The following ADHFE1 variants were observed in gnomAD, a reference collection of about 807,000 sequenced individuals.
ADHFE1 encodes the protein hydroxyacid-oxoacid transhydrogenase, mitochondrial.
Under a neutral mutation model 54.8 loss-of-function variants are expected in ADHFE1, and 37 were observed. The ratio of observed to expected loss-of-function variants is 0.68; its 90% confidence interval spans 0.52 to 0.89. The LOEUF (loss-of-function observed/expected upper bound fraction) is 0.89, where lower values mean the gene tolerates loss of function less well. Ranked by LOEUF, ADHFE1 falls within the 40% of genes least tolerant of loss-of-function variation. ADHFE1 has a pLI of 0.00. For missense variants in ADHFE1, 601 were observed against 591.2 expected, an observed-to-expected ratio of 1.02 and a Z score of -0.17; for synonymous variants, 203 against 229.3, an observed-to-expected ratio of 0.89 and a Z score of 1.04.
intron 2 of ADHFE1, 45 bp downstream of exon 2, chr8:66,440,244 C>T (rs772826365): frequency 6.4e-7 from 1 of 1,565,140 alleles, no homozygotes; most frequent in South Asian, 1.1e-5. Flanking sequence ...TTGGTTTCTG[C>T]ATTTGGCATT....
At chr8:66,432,717 C>T in intron 1 of ADHFE1, 142 bp downstream of exon 1, 2 of 1,232,656 alleles carry the variant, frequency 1.6e-6, no homozygotes, top group East Asian at 3.2e-5. Flanking sequence ...GGGCTCCCAC[C>T]GCGCGCCAGG....
At chr8:66,461,951 A>G (rs1309818831) in intron 13 of ADHFE1, among the ~76,000 whole-genome samples, 2 of 151,860 alleles carry the variant, frequency 1.3e-5, no homozygotes, top group East Asian at 3.9e-4. Flanking sequence ...CATACGTCCA[A>G]GGGACCAAAT....
At position 66,448,728 on chromosome 8, in the gene ADHFE1, T is replaced by C. The variant is rs914262136; in HGVS notation, c.629-137T>C. The C allele has an allele frequency of 2.0e-5, 16 of 806,650 alleles. No homozygotes were observed. The African/African-American group carries it at 2.4e-4, about 12-fold the overall frequency. 50.0% of individuals were successfully genotyped at this position (806,650 alleles called of 1,614,324 possible). ...CTGACTCTAAATCACTTTCCATTGC[T>C]CCTTACTGCCTCACTACATGAAAAT... On this transcript the variant is annotated intron_variant, in intron 7 of 13. Transcript: ENST00000396623.
In ADHFE1 at chr8:66,458,156, T is replaced by C. The variant is rs115362031; in HGVS notation, c.1162+990T>C. 5.8e-3 allele frequency among the ~76,000 whole-genome samples: 882 copies of C among 152,362 alleles called. 5 individuals carry two copies. Among genetic ancestry groups the C allele is most frequent in the African/African-American group, 0.021 (856 of 41,586 alleles). On this transcript the variant is annotated intron_variant, in intron 12 of 13. Transcript: ENST00000396623. Reference sequence around the variant, plus strand: ...AATACAAGAACTCTTTTAAGTAGACTTGAATATTTTATTAACTTGCAAAAC... The same window carrying C: ...AATACAAGAACTCTTTTAAGTAGACCTGAATATTTTATTAACTTGCAAAAC...
At chr8:66,440,128 A>G in intron 1 of ADHFE1, 34 bp from the exon 2 acceptor site, 1 of 1,604,236 alleles carries the variant, frequency 6.2e-7, no homozygotes, top group Non-Finnish European at 8.5e-7. Flanking sequence ...TTTTCACCTT[A>G]GGTTTTTTTT....
At chr8:66,433,599 T>C (rs1025682237) in intron 1 of ADHFE1, among the ~76,000 whole-genome samples, 7 of 152,212 alleles carry the variant, frequency 4.6e-5, no homozygotes, top group Admixed American at 4.6e-4. Flanking sequence ...CAGTCATAAT[T>C]TGAACCCAGA....
chr8:66,445,100 CAA>C, intron 5 of ADHFE1, 116 bp from the exon 6 acceptor site: 1 of 865,990 alleles, frequency 1.2e-6, no homozygotes. Flanking sequence ...GACTCCGTCT[CAA>C]AAAAAAAACA....
intron 7 of ADHFE1, among the ~76,000 whole-genome samples, chr8:66,447,772 A>G (rs1806105352): frequency 1.3e-5 from 2 of 152,362 alleles, no homozygotes; most frequent in African/African-American, 4.8e-5. Context: ...CTTCTTGAGA[A>G]TTACTGCTGA....
chr8:66,439,685 G>A lies in ADHFE1; in HGVS notation c.60-477G>A, dbSNP rs1006656104. ...GTTCTCCTGGAGGCTCAGGTCTAGA[G>A]CCTGCCTGAAGAAAAATTAGACATC... On this transcript the variant is annotated intron_variant, in intron 1 of 13. Transcript: ENST00000396623. This position sits in a 1 kb window ranked among gnomAD's most constrained non-coding sequence, Gnocchi z 4.4. The A allele has an allele frequency of 3.0e-6, 3 of 987,776 alleles. No homozygotes were observed. The African/African-American group carries it at 5.2e-5, about 17-fold the overall frequency. The allele number at this position is 987,776 out of a possible 1,614,324, so 61.2% of individuals were successfully genotyped here. A position where few individuals can be genotyped will look rare whatever the true frequency, so the allele number is the denominator to read the frequency against.
intron 11 of ADHFE1, 56 bp downstream of exon 11, chr8:66,456,951 TA>T: frequency 6.9e-7 from 1 of 1,451,086 alleles, no homozygotes; most frequent in Non-Finnish European, 9.2e-7. Flanking sequence ...CCAATTTCCA[TA>T]AATATATTTG....
chr8:66,454,166 G>A lies in ADHFE1; in HGVS notation c.986+9G>A. The A allele has an allele frequency of 6.2e-7, 1 of 1,613,056 alleles. No homozygotes were observed. Among genetic ancestry groups the A allele is most frequent in the Non-Finnish European group, 8.5e-7 (1 of 1,179,618 alleles). On this transcript the variant is annotated intron_variant, in intron 10 of 13. Coordinates refer to ENST00000396623, the MANE Select transcript of ADHFE1 (RefSeq NM_144650.3). The stretch of plus-strand genomic sequence containing the variant: ...GCTGGTGTTCATCTGTGGTGAGCAA[G>A]TCTGAGATTTCATTTCTTTACTCAA...
intron 12 of ADHFE1, chr8:66,459,539 G>A: frequency 6.6e-6 from 1 of 150,718 alleles, no homozygotes; most frequent in Middle Eastern, 3.2e-3. Context: ...TGGGATTACA[G>A]ATGTGAGCCA....
intron 7 of ADHFE1, among the ~76,000 whole-genome samples, chr8:66,448,551 C>T (rs1413399006): frequency 2.6e-5 from 4 of 152,140 alleles, no homozygotes; most frequent in African/African-American, 4.8e-5. Flanking sequence ...CAAGTAAGCC[C>T]TGACTTGTAG....
intron 2 of ADHFE1, among the ~76,000 whole-genome samples, chr8:66,441,193 G>A (rs1195832331): frequency 3.9e-5 from 6 of 152,144 alleles, no homozygotes; most frequent in Admixed American, 3.9e-4. Flanking sequence ...TTGTTTTCCA[G>A]GATCATATTT....
At position 66,444,581 on chromosome 8, in the gene ADHFE1, G is replaced by T. The variant is rs373304810; in HGVS notation, c.199-13G>T. On this transcript the variant is annotated splice_polypyrimidine_tract_variant and intron_variant, in intron 4 of 13. Coordinates refer to ENST00000396623, the MANE Select transcript of ADHFE1 (RefSeq NM_144650.3). Reference sequence around the variant, plus strand: ...CTAGTGGAGTTGAACCTAACTTATAGGTTTTCTTGTAGGACCTAAAAAACA... The same window carrying T: ...CTAGTGGAGTTGAACCTAACTTATATGTTTTCTTGTAGGACCTAAAAAACA... 1.1e-5 allele frequency: 17 copies of T among 1,613,706 alleles called. No individual in the cohort carries two copies. The highest frequency in any genetic ancestry group is 1.0e-5 in the Non-Finnish European group (12 of 1,179,956).
At chr8:66,441,344 C>T (rs1343790440) in intron 2 of ADHFE1, among the ~76,000 whole-genome samples, 1 of 152,190 alleles carries the variant, frequency 6.6e-6, no homozygotes, top group East Asian at 1.9e-4. Context: ...TATCCTACCA[C>T]CTCAGCCTCC....
intron 1 of ADHFE1, among the ~76,000 whole-genome samples, chr8:66,438,479 T>C (rs947887962): frequency 3.9e-5 from 6 of 152,060 alleles, no homozygotes; most frequent in African/African-American, 7.2e-5. Context: ...AGGAAAAAGT[T>C]CCACCTGCCC....
intron 6 of ADHFE1, among the ~76,000 whole-genome samples, chr8:66,446,866 A>G (rs1806063003): frequency 6.6e-6 from 1 of 152,240 alleles, no homozygotes; most frequent in Non-Finnish European, 1.5e-5. Flanking sequence ...ATTAAACAAC[A>G]TAAACATTCA....
At chr8:66,446,832 A>G (rs1269454499) in intron 6 of ADHFE1, among the ~76,000 whole-genome samples, 1 of 152,240 alleles carries the variant, frequency 6.6e-6, no homozygotes. Context: ...CATACATATT[A>G]ATACAGACAC....
Sources: allele counts gnomAD v4.1 joint callset (sites outside exome capture counted in the v4.1 genomes callset), GRCh38; gene constraint gnomAD v4.1.1; non-coding constraint Gnocchi (gnomAD v3.1); transcripts MANE v1.5; gene names NCBI Gene and HGNC (gene_info 2026-07-23, HGNC 2026-07-21).